CACNA2D3: variants seen among roughly 807,000 people sequenced by gnomAD.
CACNA2D3 encodes calcium voltage-gated channel auxiliary subunit alpha2delta 3.
Under a neutral mutation model 160.6 loss-of-function variants are expected in CACNA2D3, and 60 were observed. The observed-to-expected ratio is 0.37, with a 90% CI of 0.30 to 0.46. CACNA2D3 has a LOEUF of 0.46. Among genes scored for constraint, CACNA2D3 ranks in the 20% least tolerant of loss-of-function variants. The pLI is 1.00. For synonymous variants in CACNA2D3, 558 were observed against 492.9 expected, an observed-to-expected ratio of 1.13 and a Z score of -1.75; for missense variants, 1,205 against 1,365.0, an observed-to-expected ratio of 0.88 and a Z score of 1.85.
At position 54,462,195 on chromosome 3, in the gene CACNA2D3, C is replaced by A. The variant is rs553151633; in HGVS notation, c.382-41297C>A. 9.5e-4 allele frequency among the ~76,000 whole-genome samples: 144 copies of A among 152,120 alleles called. 1 individual carries two copies. The highest frequency in any genetic ancestry group is 7.0e-3 in the East Asian group (36 of 5,178). On this transcript the variant is annotated intron_variant, in intron 4 of 37. Transcript: ENST00000474759. ...ATTTGCTGAGGAGAGCTTTACTTCC[C>A]AGTATGTGGTCCATTTTGGAATAGG...
chr3:54,192,622 G>A (rs1438276091), intron 2 of CACNA2D3, among the ~76,000 whole-genome samples: 2 of 152,070 alleles, frequency 1.3e-5, no homozygotes, highest in Non-Finnish European at 2.9e-5. Context: ...GAATGAGCAC[G>A]AGAGCCATGA....
intron 13 of CACNA2D3, among the ~76,000 whole-genome samples, chr3:54,802,372 A>T (rs924244155): frequency 1.3e-5 from 2 of 152,206 alleles, no homozygotes; most frequent in African/African-American, 4.8e-5. Flanking sequence ...CAATATTATT[A>T]TAAAAACCAG....
chr3:54,191,094 A>C (rs916967599), intron 2 of CACNA2D3, among the ~76,000 whole-genome samples: 6 of 151,668 alleles, frequency 4.0e-5, no homozygotes, highest in African/African-American at 1.5e-4. Context: ...ATTTGTTTTA[A>C]TCAGTCACGA....
chr3:54,667,596 G>T (rs1314484212), intron 11 of CACNA2D3, among the ~76,000 whole-genome samples: 1 of 152,172 alleles, frequency 6.6e-6, no homozygotes, highest in African/African-American at 2.4e-5. Context: ...TTAAAGAAAA[G>T]ACACAGTCTA....
intron 2 of CACNA2D3, among the ~76,000 whole-genome samples, chr3:54,293,772 G>C (rs373213863): frequency 1.1e-4 from 16 of 152,300 alleles, no homozygotes; most frequent in African/African-American, 3.8e-4. Context: ...GAATAGATCT[G>C]TGGTTGCCAG....
rs1023067322 is a variant in CACNA2D3, at chr3:54,336,433, G to A, written c.321+15875G>A. On this transcript the variant is annotated intron_variant, in intron 3 of 37. Transcript: ENST00000474759. ...TGGCAGCCTGAGCTCATTGGCCCCA[G>A]CCTATCAGTGGAATGCAGGATGGTG... Among the ~76,000 whole-genome samples the A allele has an allele frequency of 3.9e-5, 6 of 152,190 alleles. 1 individual carries two copies. The East Asian group carries it at 9.6e-4, about 24-fold the overall frequency.
intron 2 of CACNA2D3, among the ~76,000 whole-genome samples, chr3:54,178,150 C>T (rs1241089543): frequency 6.6e-6 from 1 of 152,174 alleles, no homozygotes; most frequent in East Asian, 1.9e-4. Flanking sequence ...AGACCCTTCT[C>T]TGGAGGTTAC....
intron 4 of CACNA2D3, among the ~76,000 whole-genome samples, chr3:54,440,691 G>C (rs1194678036): frequency 2.0e-5 from 3 of 152,050 alleles, no homozygotes; most frequent in Non-Finnish European, 4.4e-5. Context: ...CTGTGTCCAT[G>C]TGTTCTCATT....
At chr3:54,135,784 G>A (rs1699803992) in intron 2 of CACNA2D3, among the ~76,000 whole-genome samples, 1 of 152,222 alleles carries the variant, frequency 6.6e-6, no homozygotes, top group African/African-American at 2.4e-5. Flanking sequence ...TTGGAGAGGG[G>A]GCAGGTCTTG....
At chr3:54,763,688 T>TAC (rs1462783557) in intron 12 of CACNA2D3, among the ~76,000 whole-genome samples, 1 of 139,850 alleles carries the variant, frequency 7.2e-6, no homozygotes, top group Non-Finnish European at 1.6e-5. Context: ...TATATATGTG[T>TAC]GTATATATGT....
At chr3:54,315,579 C>T (rs1212431045) in intron 2 of CACNA2D3, among the ~76,000 whole-genome samples, 1 of 152,204 alleles carries the variant, frequency 6.6e-6, no homozygotes, top group Non-Finnish European at 1.5e-5. Flanking sequence ...AAAGATGGAG[C>T]ATCTAGAAGA....
chr3:54,721,587 C>T (rs981952585), intron 11 of CACNA2D3, among the ~76,000 whole-genome samples: 2 of 151,888 alleles, frequency 1.3e-5, no homozygotes, highest in East Asian at 1.9e-4. Context: ...ATGGTGAAAC[C>T]CCGTCTCTAC....
At chr3:54,371,484 G>A (rs957911858) in intron 3 of CACNA2D3, among the ~76,000 whole-genome samples, 4 of 152,030 alleles carry the variant, frequency 2.6e-5, no homozygotes, top group African/African-American at 9.7e-5. Context: ...CTTATTTTAA[G>A]TACATAATTC....
intron 33 of CACNA2D3, among the ~76,000 whole-genome samples, chr3:55,008,368 G>A (rs1324393401): frequency 6.6e-6 from 1 of 152,150 alleles, no homozygotes; most frequent in East Asian, 1.9e-4. Flanking sequence ...GCACAAAGAT[G>A]AAAGTCTTGA....
At chr3:54,793,022 T>C (rs1325725839) in intron 13 of CACNA2D3, among the ~76,000 whole-genome samples, 1 of 152,226 alleles carries the variant, frequency 6.6e-6, no homozygotes, top group Middle Eastern at 3.2e-3. Context: ...CTGTTACTTT[T>C]CTTCTACATC....
rs535213043 is a variant in CACNA2D3, at chr3:54,723,650, G to A, written c.1168-28949G>A. ...TGGGTTGGGGAGAAAATTCTCTGAC[G>A]CCTTGCACTTCCAGGGTGAGGTGAT... On this transcript the variant is annotated intron_variant, in intron 11 of 37. Coordinates refer to ENST00000474759, the MANE Select transcript of CACNA2D3 (RefSeq NM_018398.3). Among the ~76,000 whole-genome samples the A allele has an allele frequency of 4.6e-5, 7 of 152,302 alleles. No individual in the cohort carries two copies. The South Asian group carries it at 1.2e-3, about 27-fold the overall frequency.
At chr3:54,724,557 TAACA>T (rs769858096) in intron 11 of CACNA2D3, among the ~76,000 whole-genome samples, 12 of 152,096 alleles carry the variant, frequency 7.9e-5, no homozygotes, top group Non-Finnish European at 1.5e-4. Flanking sequence ...ATGGAAATAA[TAACA>T]AACAGTCTCT....
At chr3:54,948,051 G>C (rs76172555) in intron 27 of CACNA2D3, among the ~76,000 whole-genome samples, 3,457 of 152,312 alleles carry the variant, frequency 0.023, 56 homozygotes, top group Non-Finnish European at 0.037. Context: ...ATACAGGGCA[G>C]ACCTTCTACG....
At chr3:54,324,437 T>C (rs1323427713) in intron 3 of CACNA2D3, among the ~76,000 whole-genome samples, 1 of 152,234 alleles carries the variant, frequency 6.6e-6, no homozygotes. Context: ...TAACTTTTTT[T>C]TGAGGCTAGC....
Sources: gnomAD v4.1 joint callset for allele counts (sites outside exome capture counted in the v4.1 genomes callset) on GRCh38, gnomAD v4.1.1 for gene constraint, MANE v1.5 for transcripts, NCBI Gene and HGNC (gene_info 2026-07-23, HGNC 2026-07-21) for gene names.